MDGA2: variants seen among roughly 807,000 people sequenced by gnomAD.
MDGA2 encodes the protein MAM domain containing glycosylphosphatidylinositol anchor 2.
MDGA2 carries 40 observed loss-of-function variants against 117.8 expected under a neutral mutation model. The ratio of observed to expected loss-of-function variants is 0.34; its 90% CI spans 0.26 to 0.44. The LOEUF is 0.44. Ranked by LOEUF, MDGA2 falls within the 20% of genes least tolerant of loss-of-function variation. MDGA2 has a pLI of 1.00. For synonymous variants in MDGA2, 452 were observed against 439.0 expected (o/e 1.03, Z -0.37); for missense variants, 1,123 against 1,250.6 (o/e 0.90, Z 1.54).
intron 16 of MDGA2, among the ~76,000 whole-genome samples, chr14:46,844,736 C>T (rs1490168677): frequency 6.6e-6 from 1 of 152,038 alleles, no homozygotes; most frequent in Non-Finnish European, 1.5e-5. Context: ...AAGGGAGAGA[C>T]CAAATCTCAT....
chr14:47,637,539 A>C (rs2138237653), intron 1 of MDGA2, among the ~76,000 whole-genome samples: 1 of 152,348 alleles, frequency 6.6e-6, no homozygotes, highest in East Asian at 1.9e-4. Context: ...TATCCTGGTG[A>C]AACTTCAAGG....
intron 1 of MDGA2, among the ~76,000 whole-genome samples, chr14:47,619,751 T>C (rs1013568394): frequency 7.9e-5 from 12 of 152,260 alleles, no homozygotes; most frequent in African/African-American, 2.7e-4. Context: ...TTATGTTTTG[T>C]TTCCTTTGAC....
chr14:46,902,422 AC>A (rs1169719997), intron 10 of MDGA2, among the ~76,000 whole-genome samples: 1 of 152,110 alleles, frequency 6.6e-6, no homozygotes, highest in Non-Finnish European at 1.5e-5. Context: ...TACAGTAGGT[AC>A]TTTTTTTTCT....
At chr14:47,298,855 T>C (rs1889175169) in intron 2 of MDGA2, among the ~76,000 whole-genome samples, 1 of 151,836 alleles carries the variant, frequency 6.6e-6, no homozygotes, top group Middle Eastern at 3.2e-3. Context: ...CGGCTAATTT[T>C]TTTTGCATTT....
At chr14:47,376,667 T>A (rs7159158) in intron 1 of MDGA2, among the ~76,000 whole-genome samples, 149,339 of 152,186 alleles carry the variant, frequency 0.98, 73,334 homozygotes, top group East Asian at 1. Flanking sequence ...TCCTGTCTTC[T>A]TTGTGTATCT....
At chr14:46,860,673 G>T (rs571488517) in intron 14 of MDGA2, among the ~76,000 whole-genome samples, 1 of 151,536 alleles carries the variant, frequency 6.6e-6, no homozygotes, top group East Asian at 1.9e-4. Flanking sequence ...CTGTTGTTTT[G>T]TTTCCAATGT....
chr14:46,888,087 A>G (rs1302125162), intron 10 of MDGA2, among the ~76,000 whole-genome samples: 1 of 151,964 alleles, frequency 6.6e-6, no homozygotes, highest in Non-Finnish European at 1.5e-5. Flanking sequence ...CCATAACTTC[A>G]TATGTGTATT....
At chr14:47,558,326 T>C (rs950594334) in intron 1 of MDGA2, among the ~76,000 whole-genome samples, 5 of 152,226 alleles carry the variant, frequency 3.3e-5, no homozygotes, top group Admixed American at 1.3e-4. Flanking sequence ...GGAGAAATTT[T>C]AGGTCTAGGC....
At chr14:47,143,908 A>T (rs1436304947) in intron 4 of MDGA2, among the ~76,000 whole-genome samples, 170 bp downstream of exon 4, 1 of 152,226 alleles carries the variant, frequency 6.6e-6, no homozygotes, top group Non-Finnish European at 1.5e-5. Context: ...CCACATAAAA[A>T]TAAGTTGTCC....
intron 9 of MDGA2, among the ~76,000 whole-genome samples, chr14:46,938,593 T>A (rs1164718541): frequency 1.4e-5 from 2 of 139,470 alleles, no homozygotes; most frequent in East Asian, 2.1e-4. Context: ...AGAACAGCTA[T>A]TATGAAAAAG....
chr14:47,167,672 T>C (rs1883940648), intron 3 of MDGA2, among the ~76,000 whole-genome samples: 1 of 152,088 alleles, frequency 6.6e-6, no homozygotes. Context: ...ACATTCCAGC[T>C]ACACATGGAA....
At chr14:46,866,478 TG>T (rs948989503) in intron 14 of MDGA2, among the ~76,000 whole-genome samples, 98 of 152,102 alleles carry the variant, frequency 6.4e-4, no homozygotes, top group African/African-American at 2.3e-3. Context: ...GGACATAGGC[TG>T]GGCAAGGACT....
chr14:47,069,578 A>G (rs963757043), intron 6 of MDGA2, among the ~76,000 whole-genome samples: 2 of 152,238 alleles, frequency 1.3e-5, no homozygotes, highest in Non-Finnish European at 2.9e-5. Flanking sequence ...TCATTCAAAC[A>G]GCAGTTGTAA....
At chr14:47,651,213 G>GTGTGT (rs1897634216) in intron 1 of MDGA2, among the ~76,000 whole-genome samples, 1 of 146,416 alleles carries the variant, frequency 6.8e-6, no homozygotes, top group Non-Finnish European at 1.5e-5. Context: ...GTGTGCATGT[G>GTGTGT]GTGTGTGTGT....
chr14:47,475,753 T>C (rs547740639), intron 1 of MDGA2, among the ~76,000 whole-genome samples: 34 of 152,232 alleles, frequency 2.2e-4, no homozygotes, highest in African/African-American at 6.5e-4. Context: ...ATGTTCTCAC[T>C]TATAAGGGGG....
chr14:47,278,705 A>AGAT (rs536557529), intron 2 of MDGA2, among the ~76,000 whole-genome samples: 2 of 152,346 alleles, frequency 1.3e-5, no homozygotes, highest in Non-Finnish European at 2.9e-5. Flanking sequence ...GGTATGGAAT[A>AGAT]GATAATATAC....
chr14:47,360,169 T>G (rs898311796), intron 1 of MDGA2, among the ~76,000 whole-genome samples: 2 of 151,752 alleles, frequency 1.3e-5, no homozygotes, highest in Admixed American at 6.6e-5. Flanking sequence ...CTGACCAACA[T>G]GGAGAAACCC....
chr14:47,034,835 T>A (rs1053448715), intron 8 of MDGA2, among the ~76,000 whole-genome samples, 176 bp downstream of exon 8: 1 of 152,076 alleles, frequency 6.6e-6, no homozygotes, highest in Non-Finnish European at 1.5e-5. Flanking sequence ...TAGATTATAG[T>A]TTAAATTGTG....
At chr14:46,850,289 T>C (rs1221527677) in intron 15 of MDGA2, among the ~76,000 whole-genome samples, 3 of 151,862 alleles carry the variant, frequency 2.0e-5, no homozygotes, top group African/African-American at 7.2e-5. Flanking sequence ...TAGATGATGC[T>C]ATAAAAGTAT....
Sources: allele counts gnomAD v4.1 joint callset (sites outside exome capture counted in the v4.1 genomes callset), GRCh38; gene constraint gnomAD v4.1.1; transcripts MANE v1.5; gene names NCBI Gene and HGNC (gene_info 2026-07-23, HGNC 2026-07-21).